MYO16: variants seen among roughly 807,000 people sequenced by gnomAD.
MYO16 encodes the protein myosin XVI.
In MYO16, 94 loss-of-function variants were observed where a neutral mutation model predicts 205.3. That is an observed-to-expected ratio of 0.46 (90% CI 0.39 to 0.54). The LOEUF (loss-of-function observed/expected upper bound fraction) is 0.54. MYO16 is among the 20% of genes least tolerant of loss of function. The pLI, the probability that MYO16 is intolerant of heterozygous loss-of-function variation, is 0.00. For missense variants in MYO16, 2,315 were observed against 2,387.5 expected (o/e 0.97, Z 0.63); for synonymous variants, 988 against 954.0 (o/e 1.04, Z -0.66).
intron 27 of MYO16, among the ~76,000 whole-genome samples, chr13:109,062,748 G>A (rs543264219): frequency 1.3e-5 from 2 of 152,216 alleles, no homozygotes; most frequent in South Asian, 4.1e-4. Flanking sequence ...TATTTCTTGA[G>A]TATTCAAGAA....
intron 5 of MYO16, among the ~76,000 whole-genome samples, chr13:108,789,252 A>C (rs569856358): frequency 4.6e-5 from 7 of 152,112 alleles, no homozygotes; most frequent in Non-Finnish European, 1.0e-4. Flanking sequence ...GATTGTTGCC[A>C]ATTCTTACAG....
At chr13:108,941,836 G>A (rs973706426) in intron 16 of MYO16, among the ~76,000 whole-genome samples, 2 of 152,100 alleles carry the variant, frequency 1.3e-5, no homozygotes, top group Non-Finnish European at 2.9e-5. Flanking sequence ...TGTTGTTGGT[G>A]TGAAAACCTC....
intron 4 of MYO16, among the ~76,000 whole-genome samples, chr13:108,751,958 A>G (rs985057718): frequency 6.6e-6 from 1 of 152,204 alleles, no homozygotes; most frequent in African/African-American, 2.4e-5. Context: ...TGGGACAGAT[A>G]TAAGATGTAA....
chr13:109,074,238 C>G (rs1051825939), intron 27 of MYO16, among the ~76,000 whole-genome samples: 2 of 152,166 alleles, frequency 1.3e-5, no homozygotes, highest in Admixed American at 6.6e-5. Flanking sequence ...AAAAATGCTT[C>G]CAGCCCTTTT....
chr13:108,951,703 A>G (rs1883155198), intron 16 of MYO16, among the ~76,000 whole-genome samples: 4 of 152,224 alleles, frequency 2.6e-5, no homozygotes, highest in African/African-American at 9.6e-5. Context: ...TTAATAAACA[A>G]TGGCGATGTA....
intron 4 of MYO16, among the ~76,000 whole-genome samples, chr13:108,759,637 C>G (rs916840185): frequency 6.6e-6 from 1 of 151,822 alleles, no homozygotes; most frequent in East Asian, 1.9e-4. Context: ...CTGGCTAACA[C>G]GGTGAAACCC....
At chr13:108,561,371 G>A in the MYO16 span, among the ~76,000 whole-genome samples, 6 of 152,188 alleles carry the variant, frequency 3.9e-5, no homozygotes, top group African/African-American at 1.4e-4. Flanking sequence ...CAAGGGCAAC[G>A]TTTGCCAGAT....
intron 4 of MYO16, among the ~76,000 whole-genome samples, chr13:108,773,069 G>A (rs185263122): frequency 6.2e-4 from 95 of 152,216 alleles, no homozygotes; most frequent in African/African-American, 2.2e-3. Context: ...GGCTATCTTC[G>A]TACTGTATCC....
the MYO16 span, among the ~76,000 whole-genome samples, chr13:108,534,218 C>T: frequency 6.6e-6 from 1 of 152,158 alleles, no homozygotes. Context: ...AGCCTTCAAA[C>T]AAGAATATTA....
chr13:109,175,991 A>G (rs1831785654), intron 33 of MYO16, among the ~76,000 whole-genome samples: 7 of 152,190 alleles, frequency 4.6e-5, no homozygotes, highest in Admixed American at 4.6e-4. Context: ...GGACACATGT[A>G]CAAACATTTA....
chr13:108,543,720 T>A, the MYO16 span, among the ~76,000 whole-genome samples: 1 of 140,824 alleles, frequency 7.1e-6, no homozygotes, highest in African/African-American at 2.6e-5. Context: ...GCAAATCAAT[T>A]ACTTTCCCTT....
intron 23 of MYO16, among the ~76,000 whole-genome samples, chr13:109,025,248 A>AG (rs1464449257): frequency 1.3e-5 from 2 of 152,160 alleles, no homozygotes; most frequent in Non-Finnish European, 2.9e-5. Flanking sequence ...CCCCACCTGG[A>AG]GGGACTCGCC....
the MYO16 span, among the ~76,000 whole-genome samples, chr13:108,590,970 A>C: frequency 3.9e-5 from 6 of 152,212 alleles, no homozygotes; most frequent in Non-Finnish European, 8.8e-5. Context: ...AATACAGTGC[A>C]TTATCATCCT....
chr13:108,697,703 AT>A (rs1883142122), intron 2 of MYO16, among the ~76,000 whole-genome samples: 1 of 152,006 alleles, frequency 6.6e-6, no homozygotes, highest in Admixed American at 6.6e-5. Context: ...AGGGATGTGT[AT>A]TACTCTTTTT....
At chr13:108,777,851 TG>T (rs1886173238) in intron 4 of MYO16, among the ~76,000 whole-genome samples, 1 of 152,196 alleles carries the variant, frequency 6.6e-6, no homozygotes, top group Admixed American at 6.5e-5. Context: ...CCTTCATACC[TG>T]GGGAATGTCT....
chr13:108,559,696 T>G, the MYO16 span, among the ~76,000 whole-genome samples: 3 of 151,818 alleles, frequency 2.0e-5, no homozygotes, highest in Admixed American at 2.0e-4. Flanking sequence ...GGTCTCGATC[T>G]CCTGACCTCG....
intron 27 of MYO16, among the ~76,000 whole-genome samples, chr13:109,068,523 C>A (rs1388103962): frequency 6.6e-6 from 1 of 151,800 alleles, no homozygotes; most frequent in Non-Finnish European, 1.5e-5. Flanking sequence ...AATATTCTTT[C>A]TCTCATCTTC....
At chr13:108,671,952 G>A (rs1221634339) in intron 2 of MYO16, among the ~76,000 whole-genome samples, 3 of 152,050 alleles carry the variant, frequency 2.0e-5, no homozygotes, top group Non-Finnish European at 4.4e-5. Flanking sequence ...TGATTTTTGA[G>A]GGAAAGGAAC....
At chr13:108,583,202 T>G in the MYO16 span, among the ~76,000 whole-genome samples, 21 of 152,314 alleles carry the variant, frequency 1.4e-4, no homozygotes, top group African/African-American at 4.8e-4. Context: ...GTAGAATTCT[T>G]TTGCACACAT....
Sources: gnomAD v4.1 joint callset for allele counts (sites outside exome capture counted in the v4.1 genomes callset) on GRCh38, gnomAD v4.1.1 for gene constraint, MANE v1.5 for transcripts, NCBI Gene and HGNC (gene_info 2026-07-23, HGNC 2026-07-21) for gene names.